RBMS3: variants seen among roughly 807,000 people sequenced by gnomAD.
The protein encoded by RBMS3 is RNA-binding motif, single-stranded-interacting protein 3.
RBMS3 carries 27 observed loss-of-function variants against 66.8 expected under a neutral mutation model. The observed-to-expected ratio is 0.40, with a 90% CI of 0.30 to 0.56. The LOEUF (loss-of-function observed/expected upper bound fraction) is 0.56. RBMS3 is among the 20% of genes least tolerant of loss of function. The pLI, the probability that RBMS3 is intolerant of heterozygous loss-of-function variation, is 0.40. For missense variants in RBMS3, 513 were observed against 549.5 expected, an observed-to-expected ratio of 0.93 and a Z score of 0.66; for synonymous variants, 188 against 183.0, an observed-to-expected ratio of 1.03 and a Z score of -0.22.
intron 7 of RBMS3, among the ~76,000 whole-genome samples, chr3:29,869,523 G>A (rs144191495): frequency 6.6e-6 from 1 of 152,146 alleles, no homozygotes. Flanking sequence ...TCAAAAAAGA[G>A]GGAGAAAAGT....
chr3:29,574,887 C>T (rs887758729), intron 3 of RBMS3, among the ~76,000 whole-genome samples: 1 of 151,590 alleles, frequency 6.6e-6, no homozygotes, highest in East Asian at 1.9e-4. Context: ...AAACCCTACA[C>T]TTTAACTTCA....
intron 3 of RBMS3, among the ~76,000 whole-genome samples, chr3:29,535,054 G>A (rs765104575): frequency 6.6e-6 from 1 of 152,074 alleles, no homozygotes; most frequent in Non-Finnish European, 1.5e-5. Context: ...ATAAAACTGA[G>A]TGCAAATAAT....
At chr3:29,426,721 A>G (rs567698665) in intron 1 of RBMS3, among the ~76,000 whole-genome samples, 2 of 149,474 alleles carry the variant, frequency 1.3e-5, no homozygotes, top group Non-Finnish European at 3.0e-5. Context: ...TTCATGTTTA[A>G]AAAATAATTG....
At chr3:29,683,539 G>A (rs747949863) in intron 4 of RBMS3, among the ~76,000 whole-genome samples, 4 of 152,128 alleles carry the variant, frequency 2.6e-5, no homozygotes, top group Non-Finnish European at 5.9e-5. Context: ...TATAACACTG[G>A]CTTTCTACCC....
intron 6 of RBMS3, among the ~76,000 whole-genome samples, chr3:29,856,798 GTTAT>G (rs752501890): frequency 6.6e-6 from 1 of 152,126 alleles, no homozygotes; most frequent in African/African-American, 2.4e-5. Context: ...TCGTTGCCAA[GTTAT>G]TTATTTATTT....
chr3:29,868,707 C>A (rs551744409), intron 6 of RBMS3, 151 bp from the exon 7 acceptor site: 2 of 654,964 alleles, frequency 3.1e-6, no homozygotes, highest in Non-Finnish European at 5.1e-6. Context: ...CAGCGGCCAA[C>A]AGAGCTGAGA....
chr3:29,457,676 C>T (rs1262314934), intron 2 of RBMS3, among the ~76,000 whole-genome samples: 1 of 152,156 alleles, frequency 6.6e-6, no homozygotes, highest in Non-Finnish European at 1.5e-5. Context: ...GAGCTGAGAT[C>T]TTGCCCCTGC....
At chr3:29,698,755 T>G (rs962839460) in intron 4 of RBMS3, 6 of 410,288 alleles carry the variant, frequency 1.5e-5, no homozygotes, top group African/African-American at 1.1e-4. Flanking sequence ...TTTACATAAT[T>G]TATAGAGCTT....
chr3:29,366,446 G>A (rs72851271), intron 1 of RBMS3, among the ~76,000 whole-genome samples: 2,513 of 152,240 alleles, frequency 0.017, 68 homozygotes, highest in African/African-American at 0.057. Flanking sequence ...GAGCACAGTG[G>A]TGTATCAAAG....
chr3:29,426,345 T>G (rs1225415923), intron 1 of RBMS3, among the ~76,000 whole-genome samples: 3 of 152,240 alleles, frequency 2.0e-5, no homozygotes, highest in Admixed American at 2.0e-4. Context: ...TAATCAAATT[T>G]GTTTATAGGT....
At chr3:29,919,664 G>A (rs1399891256) in intron 10 of RBMS3, among the ~76,000 whole-genome samples, 1 of 152,132 alleles carries the variant, frequency 6.6e-6, no homozygotes, top group East Asian at 1.9e-4. Context: ...TTTAATACTT[G>A]GGATGCCTTC....
intron 4 of RBMS3, among the ~76,000 whole-genome samples, chr3:29,623,199 T>A (rs1402461481): frequency 6.7e-6 from 1 of 149,124 alleles, no homozygotes; most frequent in Admixed American, 6.7e-5. Context: ...TTATTATTAA[T>A]AGCGTATTTT....
At chr3:29,432,552 T>C (rs1231775111) in intron 1 of RBMS3, among the ~76,000 whole-genome samples, 1 of 152,166 alleles carries the variant, frequency 6.6e-6, no homozygotes, top group East Asian at 1.9e-4. Context: ...TTTTTTATTA[T>C]ATATATAGTA....
At chr3:29,692,730 A>T (rs75883293) in intron 4 of RBMS3, among the ~76,000 whole-genome samples, 4,108 of 152,318 alleles carry the variant, frequency 0.027, 78 homozygotes, top group Admixed American at 0.063. Context: ...TTCCTGCATG[A>T]TAGTAATGAG....
chr3:29,730,816 A>T (rs993818843), intron 4 of RBMS3: 2 of 930,704 alleles, frequency 2.1e-6, no homozygotes, highest in Non-Finnish European at 1.3e-6. Context: ...TATTTGTGAT[A>T]TGGTAATATA....
chr3:29,403,644 G>A (rs1467600689), intron 1 of RBMS3, among the ~76,000 whole-genome samples: 6 of 152,060 alleles, frequency 3.9e-5, no homozygotes, highest in Non-Finnish European at 8.8e-5. Context: ...AAAGATGATA[G>A]TGAAGTAGAT....
chr3:29,701,520 C>T (rs1306226776), intron 4 of RBMS3, among the ~76,000 whole-genome samples: 1 of 152,124 alleles, frequency 6.6e-6, no homozygotes, highest in Non-Finnish European at 1.5e-5. Context: ...ATGGGAGCCC[C>T]TCTCTGGGCT....
At chr3:29,301,004 T>A (rs1023595782) in intron 1 of RBMS3, among the ~76,000 whole-genome samples, 1 of 151,866 alleles carries the variant, frequency 6.6e-6, no homozygotes, top group Non-Finnish European at 1.5e-5. Flanking sequence ...AGGTGGTAGA[T>A]GATATGAAGA....
At chr3:29,738,008 G>T (rs1453615258) in intron 4 of RBMS3, among the ~76,000 whole-genome samples, 1 of 151,812 alleles carries the variant, frequency 6.6e-6, no homozygotes, top group Non-Finnish European at 1.5e-5. Context: ...TATTTCCCAC[G>T]GTGCTAAAAA....
Sources: allele counts gnomAD v4.1 joint callset (sites outside exome capture counted in the v4.1 genomes callset), GRCh38; gene constraint gnomAD v4.1.1; transcripts MANE v1.5; gene names NCBI Gene and HGNC (gene_info 2026-07-23, HGNC 2026-07-21).